Variants in RABGEF1 observed in about 807,000 individuals in gnomAD.
RABGEF1 encodes the protein RAB guanine nucleotide exchange factor 1.
Under a neutral mutation model 57.3 loss-of-function variants are expected in RABGEF1, and 26 were observed. That is an observed-to-expected ratio of 0.45 (90% CI 0.33 to 0.63). The LOEUF (loss-of-function observed/expected upper bound fraction) is 0.63. Ranked by LOEUF, RABGEF1 falls within the 20% of genes least tolerant of loss-of-function variation. RABGEF1 has a pLI of 0.02. For synonymous variants in RABGEF1, 185 were observed against 210.7 expected (o/e 0.88, Z 1.06); for missense variants, 464 against 607.6 (o/e 0.76, Z 2.48).
upstream of RABGEF1, among the ~76,000 whole-genome samples, chr7:66,679,156 C>G (rs1344127287): frequency 6.6e-6 from 1 of 152,166 alleles, no homozygotes; most frequent in South Asian, 2.1e-4. Context: ...AACAGGTTAG[C>G]GGTGTCAGAA....
At chr7:66,779,054 G>T (rs1191033782) in intron 3 of RABGEF1, among the ~76,000 whole-genome samples, 1 of 152,146 alleles carries the variant, frequency 6.6e-6, no homozygotes, top group Non-Finnish European at 1.5e-5. Flanking sequence ...AGTGGAGGTT[G>T]CAGTGAGCTG....
chr7:66,728,729 C>G (rs1584977301), intron 2 of RABGEF1, among the ~76,000 whole-genome samples: 1 of 148,922 alleles, frequency 6.7e-6, no homozygotes, highest in Non-Finnish European at 1.5e-5. Flanking sequence ...CTCACCTCCA[C>G]CTTCACCTCC....
In RABGEF1 at chr7:66,781,963, T is replaced by C. The variant is rs1810020544; in HGVS notation, c.347-1712T>C. Reference sequence around the variant, plus strand: ...TCTGCTGTTTGTCTGTCATCCAGTGTCTGAAAACCTTTTGTTCATATTTTT... The same window carrying C: ...TCTGCTGTTTGTCTGTCATCCAGTGCCTGAAAACCTTTTGTTCATATTTTT... On this transcript the variant is annotated intron_variant, in intron 3 of 8. Transcript: ENST00000284957. 4.6e-5 allele frequency among the ~76,000 whole-genome samples: 7 copies of C among 152,360 alleles called. No individual in the cohort carries two copies. In the South Asian group the frequency reaches 1.4e-3, roughly 32 times the overall value.
At chr7:66,687,395 A>C (rs963291326) in intron 1 of RABGEF1, among the ~76,000 whole-genome samples, 1 of 150,730 alleles carries the variant, frequency 6.6e-6, no homozygotes, top group Non-Finnish European at 1.5e-5. Flanking sequence ...CAGAGTGCTG[A>C]GATTGCAGGC....
At chr7:66,761,325 T>G (rs1804295560) in intron 1 of RABGEF1, among the ~76,000 whole-genome samples, 1 of 152,250 alleles carries the variant, frequency 6.6e-6, no homozygotes, top group African/African-American at 2.4e-5. Context: ...CCAGAAGTTC[T>G]AACTGACCAG....
the RABGEF1 span, among the ~76,000 whole-genome samples, chr7:66,658,533 CAA>C: frequency 6.8e-4 from 51 of 75,530 alleles, no homozygotes; most frequent in Admixed American, 2.5e-3. Flanking sequence ...ACTTCGTCTC[CAA>C]AAAAAAAAAA....
the RABGEF1 span, among the ~76,000 whole-genome samples, chr7:66,670,792 G>A: frequency 6.6e-6 from 1 of 151,986 alleles, no homozygotes; most frequent in Non-Finnish European, 1.5e-5. Context: ...GTTGCAGTGA[G>A]CCGAGATGGC....
chr7:66,669,958 C>T, the RABGEF1 span: 1 of 152,440 alleles, frequency 6.6e-6, no homozygotes, highest in African/African-American at 2.4e-5. Context: ...CCATCACCAG[C>T]TTGGCCCTGG....
intron 2 of RABGEF1, among the ~76,000 whole-genome samples, chr7:66,724,940 A>G (rs1012369497): frequency 6.6e-6 from 1 of 152,082 alleles, no homozygotes; most frequent in African/African-American, 2.4e-5. Flanking sequence ...AGCTCATCCC[A>G]TATGTTTTTT....
chr7:66,743,891 A>C (rs1271096642), intron 1 of RABGEF1, among the ~76,000 whole-genome samples: 2 of 152,096 alleles, frequency 1.3e-5, no homozygotes, highest in African/African-American at 2.4e-5. Flanking sequence ...TCGGCCTCCC[A>C]AAGTGTTGGG....
the RABGEF1 span, among the ~76,000 whole-genome samples, chr7:66,658,894 C>T: frequency 1.3e-5 from 2 of 152,018 alleles, no homozygotes; most frequent in Admixed American, 6.6e-5. Flanking sequence ...CACCACAACG[C>T]CCGGCTAATT....
the RABGEF1 span, among the ~76,000 whole-genome samples, chr7:66,655,614 C>T: frequency 1.3e-5 from 2 of 152,214 alleles, no homozygotes; most frequent in Non-Finnish European, 2.9e-5. Context: ...AAGCGATCCT[C>T]CCGCCTCGGC....
intron 4 of RABGEF1, 136 bp downstream of exon 4, chr7:66,783,977 A>G (rs1810561763): frequency 4.7e-6 from 4 of 851,030 alleles, no homozygotes; most frequent in East Asian, 3.0e-5. Flanking sequence ...TACCTAAGAA[A>G]AGCCTCTGAA....
chr7:66,737,063 A>T (rs1798046976), upstream of RABGEF1, among the ~76,000 whole-genome samples: 1 of 134,780 alleles, frequency 7.4e-6, no homozygotes, highest in Non-Finnish European at 1.6e-5. Context: ...AGAGAGAGAG[A>T]GAGAGAGAGT....
intron 2 of RABGEF1, among the ~76,000 whole-genome samples, chr7:66,774,570 T>C (rs1192023682): frequency 6.6e-6 from 1 of 152,200 alleles, no homozygotes; most frequent in Non-Finnish European, 1.5e-5. Flanking sequence ...TAGTTCCTTC[T>C]TTCTGGAATG....
intron 1 of RABGEF1, among the ~76,000 whole-genome samples, chr7:66,706,692 G>T (rs1003142409): frequency 1.3e-5 from 2 of 151,284 alleles, no homozygotes; most frequent in Non-Finnish European, 2.9e-5. Flanking sequence ...AGGATTACAG[G>T]TGTGAGCCAC....
At chr7:66,693,145 G>A (rs1791790748) in intron 1 of RABGEF1, among the ~76,000 whole-genome samples, 1 of 152,090 alleles carries the variant, frequency 6.6e-6, no homozygotes, top group African/African-American at 2.4e-5. Flanking sequence ...ACAGTGACAG[G>A]GTGTAAGGGG....
At chr7:66,704,962 A>T (rs1034114480) in intron 1 of RABGEF1, among the ~76,000 whole-genome samples, 63 of 151,420 alleles carry the variant, frequency 4.2e-4, no homozygotes, top group African/African-American at 1.1e-3. Flanking sequence ...GGCTATACCA[A>T]TTTGCATTCC....
intron 7 of RABGEF1, among the ~76,000 whole-genome samples, chr7:66,799,888 T>C (rs1786882270): frequency 6.6e-6 from 1 of 152,114 alleles, no homozygotes; most frequent in African/African-American, 2.4e-5. Context: ...TATGAGTTAT[T>C]TTTCTGGTTT....
Sources: gnomAD v4.1 joint callset for allele counts (sites outside exome capture counted in the v4.1 genomes callset) on GRCh38, gnomAD v4.1.1 for gene constraint, MANE v1.5 for transcripts, NCBI Gene and HGNC (gene_info 2026-07-23, HGNC 2026-07-21) for gene names.